The following KCNH7 variants were observed in gnomAD, a reference collection of about 807,000 sequenced individuals.
The protein encoded by KCNH7 is potassium voltage-gated channel subfamily H member 7.
In KCNH7, 49 loss-of-function variants were observed where a neutral mutation model predicts 120.8. The observed-to-expected ratio is 0.41, with a 90% CI of 0.32 to 0.51. The LOEUF (loss-of-function observed/expected upper bound fraction) is 0.51. Among genes scored for constraint, KCNH7 ranks in the 20% least tolerant of loss-of-function variants. The pLI, the probability that KCNH7 is intolerant of heterozygous loss-of-function variation, is 0.38. For missense variants in KCNH7, 1,097 were observed against 1,446.6 expected, an observed-to-expected ratio of 0.76 and a Z score of 3.92; for synonymous variants, 547 against 516.1, an observed-to-expected ratio of 1.06 and a Z score of -0.81.
At chr2:162,388,292 C>G (rs1686638016) in intron 12 of KCNH7, among the ~76,000 whole-genome samples, 1 of 151,528 alleles carries the variant, frequency 6.6e-6, no homozygotes, top group Non-Finnish European at 1.5e-5. Flanking sequence ...AGTATGGTAA[C>G]AATAGTAAAT....
intron 3 of KCNH7, among the ~76,000 whole-genome samples, chr2:162,520,232 A>T (rs954939854): frequency 1.4e-4 from 19 of 139,402 alleles, no homozygotes; most frequent in Middle Eastern, 8.0e-3. Context: ...CTTGAGGACC[A>T]TTCTAGATAC....
At chr2:162,775,453 C>T (rs1027023067) in intron 2 of KCNH7, among the ~76,000 whole-genome samples, 9 of 151,840 alleles carry the variant, frequency 5.9e-5, no homozygotes, top group Non-Finnish European at 1.2e-4. Context: ...TTTGGGGCTA[C>T]GGAATAGAAA....
At chr2:162,410,194 A>G (rs1687343204) in intron 9 of KCNH7, among the ~76,000 whole-genome samples, 2 of 152,128 alleles carry the variant, frequency 1.3e-5, no homozygotes, top group South Asian at 4.1e-4. Context: ...ACAAGGTTAC[A>G]GTAACCAAAA....
At chr2:162,697,811 C>T (rs1686346600) in intron 2 of KCNH7, among the ~76,000 whole-genome samples, 1 of 152,064 alleles carries the variant, frequency 6.6e-6, no homozygotes, top group African/African-American at 2.4e-5. Context: ...CAACTAGCTT[C>T]TGTTTACCTC....
At chr2:162,720,212 T>G (rs1687278666) in intron 2 of KCNH7, among the ~76,000 whole-genome samples, 1 of 150,654 alleles carries the variant, frequency 6.6e-6, no homozygotes, top group Non-Finnish European at 1.5e-5. Context: ...CTCTGTCAAG[T>G]GTAAGAGATC....
intron 2 of KCNH7, among the ~76,000 whole-genome samples, chr2:162,735,540 T>C (rs995040714): frequency 6.6e-6 from 1 of 152,154 alleles, no homozygotes; most frequent in Non-Finnish European, 1.5e-5. Context: ...CCTTGAGGTA[T>C]TTTGCAGATT....
chr2:162,804,966 G>A (rs1684488676), intron 2 of KCNH7, among the ~76,000 whole-genome samples: 1 of 151,260 alleles, frequency 6.6e-6, no homozygotes, highest in Admixed American at 6.6e-5. Context: ...ACTTATCTTC[G>A]ACAAACATAA....
At chr2:162,796,582 G>C (rs1684155992) in intron 2 of KCNH7, 1 of 152,072 alleles carries the variant, frequency 6.6e-6, no homozygotes, top group Non-Finnish European at 1.5e-5. Context: ...GTCTTAAACA[G>C]TGCAAAATAT....
intron 3 of KCNH7, among the ~76,000 whole-genome samples, chr2:162,533,162 T>C (rs550862179): frequency 8.6e-5 from 13 of 151,592 alleles, no homozygotes; most frequent in Non-Finnish European, 1.5e-4. Flanking sequence ...GAAAAAAATA[T>C]AAATTTTCCC....
chr2:162,836,517 C>A lies in KCNH7; in HGVS notation c.307+20G>T. On this transcript the variant is annotated intron_variant, in intron 2 of 15. Transcript: ENST00000332142. ...TTCAATGGGATCAAATAGAAGGAAT[C>A]CTAAATAGAGGAATTTTACCATTTT... 6.3e-7 allele frequency: 1 copy of A among 1,592,234 alleles called. No individual in the cohort carries two copies. The highest frequency in any genetic ancestry group is 8.6e-7 in the Non-Finnish European group (1 of 1,161,012).
At chr2:162,751,583 C>G (rs916637627) in intron 2 of KCNH7, among the ~76,000 whole-genome samples, 2 of 151,026 alleles carry the variant, frequency 1.3e-5, no homozygotes, top group Admixed American at 6.6e-5. Flanking sequence ...AAATTGCTTT[C>G]TCTACCTCTT....
chr2:162,582,893 T>C (rs1437479115), intron 2 of KCNH7, among the ~76,000 whole-genome samples: 1 of 152,140 alleles, frequency 6.6e-6, no homozygotes, highest in Non-Finnish European at 1.5e-5. Flanking sequence ...GACACCTGTA[T>C]CTAGAAAGTA....
At chr2:162,832,267 A>G (rs1177776279) in intron 2 of KCNH7, among the ~76,000 whole-genome samples, 1 of 152,120 alleles carries the variant, frequency 6.6e-6, no homozygotes, top group Non-Finnish European at 1.5e-5. Context: ...AAAAGCTACC[A>G]TCTGTATCTC....
intron 2 of KCNH7, among the ~76,000 whole-genome samples, chr2:162,646,038 T>C (rs936234550): frequency 1.3e-5 from 2 of 152,100 alleles, no homozygotes; most frequent in Non-Finnish European, 2.9e-5. Flanking sequence ...AGATATACAA[T>C]CCATGTGGTC....
At chr2:162,593,446 T>C (rs1260490992) in intron 2 of KCNH7, among the ~76,000 whole-genome samples, 1 of 152,028 alleles carries the variant, frequency 6.6e-6, no homozygotes, top group African/African-American at 2.4e-5. Context: ...CTAGTCCTTG[T>C]CAAATCTTAG....
At chr2:162,608,850 G>GT (rs1052283114) in intron 2 of KCNH7, among the ~76,000 whole-genome samples, 1 of 152,156 alleles carries the variant, frequency 6.6e-6, no homozygotes, top group Non-Finnish European at 1.5e-5. Flanking sequence ...TTACTGTATG[G>GT]TTTTATATTG....
At chr2:162,647,908 T>C (rs1684424679) in intron 2 of KCNH7, among the ~76,000 whole-genome samples, 1 of 152,116 alleles carries the variant, frequency 6.6e-6, no homozygotes, top group Non-Finnish European at 1.5e-5. Flanking sequence ...TTGCCTGTGG[T>C]GGGTACTAAA....
intron 2 of KCNH7, among the ~76,000 whole-genome samples, chr2:162,784,285 G>A (rs1683619987): frequency 6.6e-6 from 1 of 152,060 alleles, no homozygotes; most frequent in South Asian, 2.1e-4. Flanking sequence ...TGACCATCCT[G>A]TGGGCTGCTT....
chr2:162,760,004 A>G (rs1688913867), intron 2 of KCNH7, among the ~76,000 whole-genome samples: 1 of 152,134 alleles, frequency 6.6e-6, no homozygotes, highest in Admixed American at 6.6e-5. Context: ...GAAAGATAAT[A>G]ACGTCACTTA....
Sources: gnomAD v4.1 joint callset for allele counts (sites outside exome capture counted in the v4.1 genomes callset) on GRCh38, gnomAD v4.1.1 for gene constraint, MANE v1.5 for transcripts, NCBI Gene and HGNC (gene_info 2026-07-23, HGNC 2026-07-21) for gene names.